Variants in SOX5 observed in about 807,000 individuals in gnomAD.
SOX5 encodes SRY-box transcription factor 5.
In SOX5, 9 loss-of-function variants were observed where a neutral mutation model predicts 92.0. That is an observed-to-expected ratio of 0.10 (90% confidence interval 0.06 to 0.17). The LOEUF is 0.17. Among genes scored for constraint, SOX5 ranks in the 10% least tolerant of loss-of-function variants. SOX5 has a pLI of 1.00. For missense variants in SOX5, 642 were observed against 944.5 expected, an observed-to-expected ratio of 0.68 and a Z score of 4.20; for synonymous variants, 344 against 336.3, an observed-to-expected ratio of 1.02 and a Z score of -0.25.
At chr12:23,977,799 T>C (rs1294686711) in intron 4 of SOX5, among the ~76,000 whole-genome samples, 2 of 150,246 alleles carry the variant, frequency 1.3e-5, no homozygotes, top group African/African-American at 4.9e-5. Context: ...CTTGTTCCTC[T>C]TGAACCATAA....
intron 1 of SOX5, among the ~76,000 whole-genome samples, chr12:24,518,680 C>A (rs144371472): frequency 1.9e-3 from 287 of 152,038 alleles, no homozygotes; most frequent in African/African-American, 6.3e-3. Context: ...TAAGAGAATG[C>A]GCCAAGATAT....
chr12:23,737,708 C>T lies in SOX5; in HGVS notation c.742-2956G>A, dbSNP rs566877958. 7.2e-5 allele frequency among the ~76,000 whole-genome samples: 11 copies of T among 152,222 alleles called. No individual in the cohort carries two copies. In the South Asian group the frequency reaches 2.3e-3, roughly 32 times the overall value. On this transcript the variant is annotated intron_variant, in intron 5 of 14. Transcript: ENST00000451604. ...ATCCCCTATCACCTCATGCCTGCCA[C>T]ACTGCATTCCTAACTGCCTCTTGTA... is the stretch of plus-strand genomic sequence containing the variant.
At chr12:23,647,522 T>C (rs1008631472) in intron 7 of SOX5, among the ~76,000 whole-genome samples, 2 of 152,232 alleles carry the variant, frequency 1.3e-5, no homozygotes, top group African/African-American at 4.8e-5. Flanking sequence ...GCTATGAAAG[T>C]TCTGGATGGC....
chr12:23,609,884 T>C (rs1219734706), intron 8 of SOX5, among the ~76,000 whole-genome samples: 1 of 152,134 alleles, frequency 6.6e-6, no homozygotes, highest in African/African-American at 2.4e-5. Flanking sequence ...GTCTAATCAG[T>C]AGTTTTTCTT....
At chr12:24,160,495 T>C (rs1952643612) in intron 4 of SOX5, among the ~76,000 whole-genome samples, 1 of 152,036 alleles carries the variant, frequency 6.6e-6, no homozygotes, top group Admixed American at 6.6e-5. Context: ...CAGAATCAAC[T>C]TTCTGTTATT....
chr12:23,668,602 ATTTC>A (rs1566856130), intron 6 of SOX5, among the ~76,000 whole-genome samples: 1 of 152,116 alleles, frequency 6.6e-6, no homozygotes, highest in Non-Finnish European at 1.5e-5. Context: ...ATCACTATTA[ATTTC>A]TTTCTTTTTC....
chr12:24,549,977 G>A (rs931054548), intron 1 of SOX5, among the ~76,000 whole-genome samples: 3 of 152,076 alleles, frequency 2.0e-5, no homozygotes, highest in Non-Finnish European at 4.4e-5. Flanking sequence ...TCATTTTGAG[G>A]GATGACTTAA....
At chr12:24,456,872 A>G (rs1370684693) in intron 1 of SOX5, among the ~76,000 whole-genome samples, 2 of 152,256 alleles carry the variant, frequency 1.3e-5, no homozygotes, top group African/African-American at 4.8e-5. Flanking sequence ...TGTGATTAGC[A>G]TTCATGATTT....
At chr12:24,536,566 A>G (rs1951661254) in intron 1 of SOX5, among the ~76,000 whole-genome samples, 2 of 152,152 alleles carry the variant, frequency 1.3e-5, no homozygotes, top group African/African-American at 4.8e-5. Context: ...TTTTTCATAC[A>G]GTTTAGATAG....
intron 1 of SOX5, among the ~76,000 whole-genome samples, chr12:24,413,786 ATGT>A: frequency 6.6e-6 from 1 of 152,330 alleles, no homozygotes; most frequent in Non-Finnish European, 1.5e-5. Flanking sequence ...AAGAGTGAGC[ATGT>A]TGTTTTTCAT....
intron 1 of SOX5, among the ~76,000 whole-genome samples, chr12:24,490,106 C>T (rs898707649): frequency 6.6e-6 from 1 of 152,170 alleles, no homozygotes; most frequent in Non-Finnish European, 1.5e-5. Context: ...ACTGCTTTGC[C>T]ACATTTGGGT....
chr12:23,552,055 A>C (rs1944318021), intron 11 of SOX5, among the ~76,000 whole-genome samples: 1 of 151,922 alleles, frequency 6.6e-6, no homozygotes, highest in Non-Finnish European at 1.5e-5. Flanking sequence ...CAGGTGAATA[A>C]CTTTTCAATA....
intron 4 of SOX5, among the ~76,000 whole-genome samples, chr12:24,074,896 GTTTTA>G (rs1167322564): frequency 4.8e-5 from 7 of 146,604 alleles, no homozygotes; most frequent in South Asian, 4.5e-4. Flanking sequence ...TTGTTTGTTT[GTTTTA>G]TTTTGTTTTT....
chr12:24,261,295 C>T (rs1008368110), intron 3 of SOX5, among the ~76,000 whole-genome samples: 1 of 152,280 alleles, frequency 6.6e-6, no homozygotes, highest in African/African-American at 2.4e-5. Context: ...AGCTGATGGA[C>T]TCATCCTGAA....
intron 4 of SOX5, among the ~76,000 whole-genome samples, chr12:23,742,951 TAA>T (rs11291376): frequency 7.2e-4 from 108 of 149,022 alleles, no homozygotes; most frequent in African/African-American, 1.6e-3. Flanking sequence ...ATACACTGCC[TAA>T]AAAAAAAAAA....
intron 1 of SOX5, among the ~76,000 whole-genome samples, chr12:24,526,727 TCGTTCC>T (rs1184570965): frequency 6.6e-6 from 1 of 152,198 alleles, no homozygotes; most frequent in Non-Finnish European, 1.5e-5. Flanking sequence ...GAATACCATC[TCGTTCC>T]CTGACCACCC....
At chr12:24,339,015 T>G (rs1952248617) in intron 2 of SOX5, among the ~76,000 whole-genome samples, 1 of 152,230 alleles carries the variant, frequency 6.6e-6, no homozygotes, top group Non-Finnish European at 1.5e-5. Flanking sequence ...CAATACTATA[T>G]GCCAGGTAGT....
intron 3 of SOX5, among the ~76,000 whole-genome samples, chr12:23,822,286 T>C (rs1594782052): frequency 6.6e-6 from 1 of 152,146 alleles, no homozygotes; most frequent in Non-Finnish European, 1.5e-5. Flanking sequence ...CTCTAAATAC[T>C]TGCTTTAGCT....
intron 2 of SOX5, among the ~76,000 whole-genome samples, chr12:24,341,864 C>T (rs1228376985): frequency 6.6e-6 from 1 of 152,184 alleles, no homozygotes; most frequent in Non-Finnish European, 1.5e-5. Context: ...CACTGGGCAG[C>T]TTTGGCTCCT....
Sources: allele counts gnomAD v4.1 joint callset (sites outside exome capture counted in the v4.1 genomes callset), GRCh38; gene constraint gnomAD v4.1.1; transcripts MANE v1.5; gene names NCBI Gene and HGNC (gene_info 2026-07-23, HGNC 2026-07-21).